Variants in GCN1 observed in about 807,000 individuals in gnomAD.
GCN1 encodes stalled ribosome sensor GCN1.
A neutral mutation model predicts 288.4 loss-of-function variants in GCN1; 90 were observed. The observed-to-expected ratio is 0.31, with a 90% CI of 0.26 to 0.37. The LOEUF (loss-of-function observed/expected upper bound fraction) is 0.37, where lower values mean the gene tolerates loss of function less well. Among genes scored for constraint, GCN1 ranks in the 10% least tolerant of loss-of-function variants. GCN1 has a pLI of 1.00. For synonymous variants in GCN1, 1,386 were observed against 1,420.2 expected (o/e 0.98, Z 0.54); for missense variants, 2,586 against 3,419.9 (o/e 0.76, Z 6.08).
At chr12:120,166,428 G>C (rs1353629202) in intron 16 of GCN1, among the ~76,000 whole-genome samples, 5 of 140,732 alleles carry the variant, frequency 3.6e-5, no homozygotes, top group Non-Finnish European at 7.6e-5. Flanking sequence ...AAAAATGCCT[G>C]ATCCGGTGGC....
In GCN1 at chr12:120,177,767, G is replaced by C. The variant is rs1878526982; in HGVS notation, c.661-15C>G. Reference sequence around the variant, plus strand: ...AGTAGGGCGCTCTAGAGAACACAAAGCTCTGGTTAGATCCTGACATTCTCA... The same window carrying C: ...AGTAGGGCGCTCTAGAGAACACAAACCTCTGGTTAGATCCTGACATTCTCA... On this transcript the variant is annotated splice_polypyrimidine_tract_variant and intron_variant, in intron 7 of 57. Coordinates refer to ENST00000300648, the MANE Select transcript of GCN1 (RefSeq NM_006836.2). The C allele has an allele frequency of 6.3e-7, 1 of 1,586,114 alleles. No homozygotes were observed. The highest frequency in any genetic ancestry group is 1.7e-5 in the Admixed American group (1 of 59,978).
intron 5 of GCN1, among the ~76,000 whole-genome samples, chr12:120,179,928 T>C (rs1396707287): frequency 6.6e-6 from 1 of 152,172 alleles, no homozygotes; most frequent in South Asian, 2.1e-4. Context: ...AATACAGAAG[T>C]GCATCTTGAT....
intron 2 of GCN1, among the ~76,000 whole-genome samples, chr12:120,186,452 A>C (rs1878823328): frequency 6.6e-6 from 1 of 152,170 alleles, no homozygotes; most frequent in African/African-American, 2.4e-5. Flanking sequence ...GAAGCACGCA[A>C]ACAAAAGGGA....
At chr12:120,132,150 C>G in intron 53 of GCN1, 128 bp from the exon 54 acceptor site, 1 of 662,670 alleles carries the variant, frequency 1.5e-6, no homozygotes, top group Admixed American at 2.2e-5. Flanking sequence ...CTCAGAGACT[C>G]AAGATCCAGT....
chr12:120,185,749 C>T (rs1194412029), intron 2 of GCN1, among the ~76,000 whole-genome samples: 1 of 152,078 alleles, frequency 6.6e-6, no homozygotes, highest in Non-Finnish European at 1.5e-5. Flanking sequence ...TAAAGGTGCG[C>T]ACCACCACGC....
Position 120,163,059 on chromosome 12 carries a change from C to A in GCN1, c.2038+11G>T, listed in dbSNP as rs1396527964. ...GCTCTGGGCTCTCCCACACCCACCG[C>A]AGCCACGGACCTAAGGATGGGTGGT... On this transcript the variant is annotated intron_variant, in intron 19 of 57. Transcript: ENST00000300648. 1 of 1,613,722 alleles carries A rather than the reference C, an allele frequency of 6.2e-7. No individual in the cohort carries two copies. Among genetic ancestry groups the A allele is most frequent in the African/African-American group, 1.3e-5 (1 of 75,062 alleles).
intron 36 of GCN1, among the ~76,000 whole-genome samples, chr12:120,148,949 A>G (rs1257160478): frequency 6.6e-6 from 1 of 150,986 alleles, no homozygotes; most frequent in African/African-American, 2.4e-5. Context: ...CCTCCTGAGT[A>G]GCTGGGACTA....
intron 31 of GCN1, among the ~76,000 whole-genome samples, chr12:120,154,466 T>G (rs1399310119): frequency 1.3e-5 from 2 of 152,250 alleles, no homozygotes; most frequent in African/African-American, 2.4e-5. Context: ...GTTTTGAGCC[T>G]GCTCTGTGGG....
At chr12:120,188,646 G>C (rs950251478) in intron 2 of GCN1, among the ~76,000 whole-genome samples, 1 of 151,860 alleles carries the variant, frequency 6.6e-6, no homozygotes, top group Non-Finnish European at 1.5e-5. Context: ...TCAGGAGATC[G>C]AGACCATCCT....
rs1877232750 is a variant in GCN1, at chr12:120,142,582, G to C, written c.5754C>G (p.Thr1918=). 4 of 1,613,956 alleles carry C rather than the reference G, an allele frequency of 2.5e-6. No homozygotes were observed. Among genetic ancestry groups the C allele is most frequent in the African/African-American group, 1.3e-5 (1 of 74,942 alleles). ...WKIVVSNTPR[T]LREILPTLFG... is the part of the protein sequence containing the mutation. ...AGAGAGTGGGTAGGATCTCACGCAAGGTGCGGGGGGTATTGGAGACAACAA... is the reference window on the plus strand; with the variant it reads ...AGAGAGTGGGTAGGATCTCACGCAACGTGCGGGGGGTATTGGAGACAACAA... Residue 1918 remains threonine, a synonymous_variant, in exon 44 of 58, where the codon ACC becomes ACG. Coordinates refer to ENST00000300648, the MANE Select transcript of GCN1 (RefSeq NM_006836.2). The surrounding 1 kb of genome is among the most constrained non-coding windows in gnomAD (Gnocchi z 4.9).
chr12:120,187,323 C>T (rs1446786799), intron 2 of GCN1, among the ~76,000 whole-genome samples: 1 of 151,890 alleles, frequency 6.6e-6, no homozygotes, highest in Admixed American at 6.6e-5. Context: ...AGCGATTCTC[C>T]TGCCTCTGCC....
chr12:120,149,682 C>G lies in GCN1; in HGVS notation c.4470G>C (p.Leu1490Phe). 6.2e-7 allele frequency: 1 copy of G among 1,614,026 alleles called. No individual in the cohort carries two copies. The highest frequency in any genetic ancestry group is 1.7e-5 in the Admixed American group (1 of 60,014). ...GCACCAGCTTCACCCCGTGAGCACTCAAGTTGCTCATCACAGCCTTGGCAC... is the reference window on the plus strand; with the variant it reads ...GCACCAGCTTCACCCCGTGAGCACTGAAGTTGCTCATCACAGCCTTGGCAC... ...DDCAKAVMSN[L>F]SAHGVKLVLP... The change falls in exon 36 of 58, where the codon TTG (leucine) becomes TTC (phenylalanine). Residue 1490 changes from leucine to phenylalanine, a missense_variant. Physicochemically the swap from Leu to Phe is conservative, Grantham distance 22 (BLOSUM62 0). This residue lies in a region of GCN1 where 371 missense variants were observed against 572.6 expected (regional missense o/e 0.65). Coordinates refer to ENST00000300648, the MANE Select transcript of GCN1 (RefSeq NM_006836.2).
At chr12:120,182,396 G>A (rs898741565) in intron 5 of GCN1, among the ~76,000 whole-genome samples, 6 of 152,130 alleles carry the variant, frequency 3.9e-5, no homozygotes, top group African/African-American at 1.2e-4. Flanking sequence ...TAAGCTCCCA[G>A]GGATGCAGCC....
intron 2 of GCN1, among the ~76,000 whole-genome samples, chr12:120,188,514 T>A (rs994962261): frequency 7.3e-5 from 11 of 150,686 alleles, no homozygotes; most frequent in Middle Eastern, 3.2e-3. Context: ...CCTACTACCA[T>A]GGTGCTGACT....
chr12:120,149,367 A>G (rs1330859663), intron 36 of GCN1, among the ~76,000 whole-genome samples: 1 of 152,182 alleles, frequency 6.6e-6, no homozygotes, highest in African/African-American at 2.4e-5. Flanking sequence ...ACAAAAAAAA[A>G]TACAAAAATT....
intron 45 of GCN1, among the ~76,000 whole-genome samples, chr12:120,139,485 C>T (rs946008958): frequency 1.9e-4 from 28 of 150,882 alleles, no homozygotes; most frequent in African/African-American, 6.3e-4. Context: ...AAATTAGCTA[C>T]GTGTGGTGGT....
intron 3 of GCN1, 51 bp downstream of exon 3, chr12:120,184,773 C>T (rs1399256690): frequency 7.6e-7 from 1 of 1,312,326 alleles, no homozygotes; most frequent in African/African-American, 1.4e-5. Flanking sequence ...TACTCTAAAT[C>T]CCCTCTCTGT....
At chr12:120,130,239 T>C (rs935638153) in intron 56 of GCN1, among the ~76,000 whole-genome samples, 1 of 152,172 alleles carries the variant, frequency 6.6e-6, no homozygotes, top group African/African-American at 2.4e-5. Flanking sequence ...ATTCCTTGGC[T>C]TTCCTAACTA....
intron 16 of GCN1, among the ~76,000 whole-genome samples, chr12:120,167,998 T>C (rs1878188104): frequency 6.6e-6 from 1 of 152,036 alleles, no homozygotes; most frequent in Admixed American, 6.6e-5. Context: ...ATTACTGCTC[T>C]GTCTCCACAC....
Sources: gnomAD v4.1 joint callset for allele counts (sites outside exome capture counted in the v4.1 genomes callset) on GRCh38, gnomAD v4.1.1 for gene constraint, gnomAD v4.1.1 regional missense constraint, Gnocchi (gnomAD v3.1) non-coding constraint, MANE v1.5 for transcripts, NCBI Gene and HGNC (gene_info 2026-07-23, HGNC 2026-07-21) for gene names.